ABTB2: variants seen among roughly 807,000 people sequenced by gnomAD.
ABTB2 encodes ankyrin repeat and BTB/POZ domain-containing protein 2.
Under a neutral mutation model 104.1 loss-of-function variants are expected in ABTB2, and 56 were observed. That is an observed-to-expected ratio of 0.54 (90% CI 0.43 to 0.67). The LOEUF is 0.67. Among genes scored for constraint, ABTB2 ranks in the 30% least tolerant of loss-of-function variants. The pLI, the probability that ABTB2 is intolerant of heterozygous loss-of-function variation, is 0.00. For synonymous variants in ABTB2, 606 were observed against 608.2 expected, an observed-to-expected ratio of 1.00 and a Z score of 0.05; for missense variants, 1,279 against 1,407.7, an observed-to-expected ratio of 0.91 and a Z score of 1.46.
intron 7 of ABTB2, 50 bp downstream of exon 7, chr11:34,167,209 A>T: frequency 6.6e-7 from 1 of 1,523,148 alleles, no homozygotes; most frequent in South Asian, 1.2e-5. Context: ...CTTGGGGCCC[A>T]GGTCACCTGG....
chr11:34,197,592 T>C, intron 2 of ABTB2, 54 bp from the exon 3 acceptor site: 1 of 1,269,286 alleles, frequency 7.9e-7, no homozygotes. Flanking sequence ...GAAGACAAAG[T>C]CTGAGTTCAC....
chr11:34,265,063 G>A (rs1164777963), intron 1 of ABTB2, among the ~76,000 whole-genome samples: 1 of 152,112 alleles, frequency 6.6e-6, no homozygotes, highest in East Asian at 1.9e-4. Flanking sequence ...TGACTCAGTC[G>A]CTTCATTTGA....
chr11:34,237,998 C>A (rs1170155680), intron 1 of ABTB2, among the ~76,000 whole-genome samples: 4 of 152,200 alleles, frequency 2.6e-5, no homozygotes, highest in South Asian at 2.1e-4. Context: ...TGTGATTATT[C>A]ATTGTATGCA....
At chr11:34,190,453 TTTACTTCCGTC>T in intron 3 of ABTB2, among the ~76,000 whole-genome samples, 1 of 152,250 alleles carries the variant, frequency 6.6e-6, no homozygotes, top group Non-Finnish European at 1.5e-5. Flanking sequence ...TGCTCATTTG[TTTACTTCCGTC>T]TTGCTTTTGT....
At chr11:34,258,453 C>T (rs575937961) in intron 1 of ABTB2, among the ~76,000 whole-genome samples, 55 of 152,266 alleles carry the variant, frequency 3.6e-4, no homozygotes, top group African/African-American at 1.2e-3. Context: ...GAAGACAATC[C>T]AGTGTTGCTC....
intron 7 of ABTB2, 86 bp from the exon 8 acceptor site, chr11:34,165,442 T>G (rs1303472007): frequency 2.0e-5 from 22 of 1,110,330 alleles, no homozygotes; most frequent in Non-Finnish European, 2.7e-5. Flanking sequence ...GGACAGGGCC[T>G]TTGCTTCTCT....
intron 1 of ABTB2, among the ~76,000 whole-genome samples, chr11:34,324,301 C>T (rs1786973354): frequency 2.0e-5 from 3 of 152,160 alleles, no homozygotes; most frequent in East Asian, 3.9e-4. Context: ...TTACTTTAAC[C>T]CTCACACTAG....
chr11:34,181,157 C>T (rs1853020731), intron 3 of ABTB2, among the ~76,000 whole-genome samples: 1 of 152,240 alleles, frequency 6.6e-6, no homozygotes, highest in South Asian at 2.1e-4. Context: ...CCTGCCTCGG[C>T]CTCCCAAAGT....
intron 3 of ABTB2, among the ~76,000 whole-genome samples, chr11:34,174,401 C>A (rs1366285710): frequency 6.6e-6 from 1 of 151,550 alleles, no homozygotes. Context: ...ATGGTCCTAG[C>A]GGGTCCGAGT....
At chr11:34,152,780 T>A (rs1365934664) in intron 16 of ABTB2, among the ~76,000 whole-genome samples, 196 bp from the exon 17 acceptor site, 1 of 152,202 alleles carries the variant, frequency 6.6e-6, no homozygotes, top group Non-Finnish European at 1.5e-5. Context: ...TTTTCCTGCC[T>A]GTGTCATACT....
At chr11:34,270,619 C>T (rs1354081183) in intron 1 of ABTB2, among the ~76,000 whole-genome samples, 6 of 152,198 alleles carry the variant, frequency 3.9e-5, no homozygotes, top group Non-Finnish European at 1.5e-5. Context: ...GGATTACAGG[C>T]GTGAGCCACC....
chr11:34,219,230 G>A (rs1380621835), intron 1 of ABTB2, among the ~76,000 whole-genome samples: 12 of 152,154 alleles, frequency 7.9e-5, no homozygotes, highest in Non-Finnish European at 1.6e-4. Context: ...ATACGATGGT[G>A]GTCCCATAAA....
intron 1 of ABTB2, among the ~76,000 whole-genome samples, chr11:34,275,964 A>G (rs899124250): frequency 2.6e-5 from 4 of 152,200 alleles, no homozygotes; most frequent in African/African-American, 7.2e-5. Context: ...TAGACGGTAG[A>G]GAGGCTCCAA....
intron 3 of ABTB2, among the ~76,000 whole-genome samples, chr11:34,174,303 C>G (rs1216666487): frequency 2.3e-5 from 3 of 130,498 alleles, no homozygotes; most frequent in Non-Finnish European, 4.7e-5. Flanking sequence ...CCAGCCTGGG[C>G]GACAGGGCGA....
At chr11:34,289,383 G>A (rs1156609228) in intron 1 of ABTB2, among the ~76,000 whole-genome samples, 2 of 152,208 alleles carry the variant, frequency 1.3e-5, no homozygotes, top group African/African-American at 4.8e-5. Context: ...TAATGCTAAT[G>A]TCGTGCTTAC....
intron 1 of ABTB2, among the ~76,000 whole-genome samples, chr11:34,347,873 G>A (rs775078678): frequency 9.9e-5 from 15 of 152,030 alleles, no homozygotes; most frequent in African/African-American, 3.6e-4. Flanking sequence ...TACATCAGTC[G>A]GACTTAACAC....
At chr11:34,265,555 G>A (rs1854237159) in intron 1 of ABTB2, among the ~76,000 whole-genome samples, 1 of 151,624 alleles carries the variant, frequency 6.6e-6, no homozygotes, top group Admixed American at 6.6e-5. Flanking sequence ...AGCTACTTGG[G>A]AGGCTGAGAC....
At chr11:34,305,262 T>C (rs1474666528) in intron 1 of ABTB2, among the ~76,000 whole-genome samples, 1 of 152,202 alleles carries the variant, frequency 6.6e-6, no homozygotes, top group Non-Finnish European at 1.5e-5. Flanking sequence ...TGCCATATGC[T>C]CATTCTTGGC....
chr11:34,189,819 C>T (rs1420606776), intron 3 of ABTB2, among the ~76,000 whole-genome samples: 1 of 152,202 alleles, frequency 6.6e-6, no homozygotes, highest in Non-Finnish European at 1.5e-5. Flanking sequence ...TCAGAATCCT[C>T]TTAAATGTGA....
Sources: allele counts gnomAD v4.1 joint callset (sites outside exome capture counted in the v4.1 genomes callset), GRCh38; gene constraint gnomAD v4.1.1; transcripts MANE v1.5; gene names NCBI Gene and HGNC (gene_info 2026-07-23, HGNC 2026-07-21).